Variants in MUC7 observed in about 807,000 individuals in gnomAD.
The protein encoded by MUC7 is mucin-7.
In MUC7, 2 loss-of-function variants were observed where a neutral mutation model predicts 2.5. The observed-to-expected ratio is 0.81, with a 90% CI of 0.33 to 2.55. The LOEUF is 2.55. MUC7 is among the 30% of genes most tolerant of loss of function. The probability of loss-of-function intolerance (pLI) is 0.11; values close to 1 mark genes in which losing one functional copy is unlikely to be tolerated. For synonymous variants in MUC7, 133 were observed against 173.4 expected, an observed-to-expected ratio of 0.77 and a Z score of 1.83; for missense variants, 408 against 455.6, an observed-to-expected ratio of 0.90 and a Z score of 0.95.
chr4:70,432,072 T>A (rs768619760), intron 1 of MUC7, among the ~76,000 whole-genome samples: 1 of 152,228 alleles, frequency 6.6e-6, no homozygotes, highest in Non-Finnish European at 1.5e-5. Flanking sequence ...ACAAAAGACA[T>A]GAACTCATCC....
chr4:70,445,033 AAAAC>A (rs1349625234), intron 1 of MUC7, among the ~76,000 whole-genome samples: 7 of 152,318 alleles, frequency 4.6e-5, no homozygotes, highest in East Asian at 1.9e-4. Context: ...CTCTGTCTAA[AAAAC>A]AAACAAACAA....
intron 1 of MUC7, among the ~76,000 whole-genome samples, chr4:70,444,780 G>T (rs889118485): frequency 6.6e-6 from 1 of 152,084 alleles, no homozygotes; most frequent in African/African-American, 2.4e-5. Flanking sequence ...GGCCAGGTGC[G>T]GTGGCTCACA....
In MUC7 at chr4:70,480,995, T is replaced by C. The variant is rs1735151127; in HGVS notation, c.251T>C (p.Phe84Ser). 1.2e-6 allele frequency: 2 copies of C among 1,613,776 alleles called. No homozygotes were observed. Among genetic ancestry groups the C allele is most frequent in the Non-Finnish European group, 1.7e-6 (2 of 1,179,920 alleles). Residue 84 changes from phenylalanine to serine, a missense_variant, in exon 3 of 3, where the codon TTC (phenylalanine) becomes TCC (serine). By Grantham distance (155) the Phe-to-Ser change is radical (BLOSUM62 -2). This residue lies in a region of MUC7 where 225 missense variants were observed against 240.5 expected (regional missense o/e 0.94). Coordinates refer to ENST00000304887, the MANE Select transcript of MUC7 (RefSeq NM_152291.3). Reference protein sequence around the residue: ...LPPSPNNPPKFPNPHQPPKHP... With the variant: ...LPPSPNNPPKSPNPHQPPKHP... ...CCTTCACCTAATAACCCCCCCAAAT[T>C]CCCAAATCCTCACCAGCCACCTAAA... is the stretch of plus-strand genomic sequence containing the variant.
rs62322550 is a variant in MUC7, at chr4:70,454,187, G to A, written c.-92-18028G>A. On this transcript the variant is annotated intron_variant, in intron 1 of 3. Transcript: ENST00000413702. ...AGGTCATATGCCTCCCATGTCCACTGGGTCTGAGCCCAACACAGCACTAGG... is the reference window on the plus strand; with the variant it reads ...AGGTCATATGCCTCCCATGTCCACTAGGTCTGAGCCCAACACAGCACTAGG... Among the ~76,000 whole-genome samples the A allele has an allele frequency of 8.8e-3, 1,337 of 152,222 alleles. 27 individuals are homozygous for A. The highest frequency in any genetic ancestry group is 0.038 in the South Asian group (185 of 4,818).
At chr4:70,442,231 A>C (rs1265657825) in intron 1 of MUC7, among the ~76,000 whole-genome samples, 1 of 152,180 alleles carries the variant, frequency 6.6e-6, no homozygotes, top group Non-Finnish European at 1.5e-5. Context: ...TAGCATCAAC[A>C]TACTCTTTTT....
At chr4:70,460,481 T>TG (rs1260343264) in intron 1 of MUC7, among the ~76,000 whole-genome samples, 5 of 151,290 alleles carry the variant, frequency 3.3e-5, no homozygotes, top group Non-Finnish European at 7.4e-5. Flanking sequence ...TTTTTTTTTT[T>TG]TGAGATGGAG....
At chr4:70,446,854 A>C (rs1363841737) in intron 1 of MUC7, among the ~76,000 whole-genome samples, 1 of 152,236 alleles carries the variant, frequency 6.6e-6, no homozygotes, top group Non-Finnish European at 1.5e-5. Context: ...AATCAAAACT[A>C]TTGTGTCAAG....
rs146888600 is a variant in MUC7, at chr4:70,437,504, C to T, written c.-93+6817C>T. Among the ~76,000 whole-genome samples the T allele has an allele frequency of 5.6e-3, 858 of 152,302 alleles. 12 individuals carry two copies. Among genetic ancestry groups the T allele is most frequent in the African/African-American group, 0.02 (830 of 41,570 alleles). ...TGCTGTACTAGCAGCAAGCAAGGCT[C>T]CATGGGCGTGGGACTCACTGAGACA... On this transcript the variant is annotated intron_variant, in intron 1 of 3. Transcript: ENST00000413702.
intron 2 of MUC7, among the ~76,000 whole-genome samples, chr4:70,479,882 T>C (rs550785837): frequency 6.6e-6 from 1 of 152,202 alleles, no homozygotes; most frequent in African/African-American, 2.4e-5. Flanking sequence ...CAGTTAAGAA[T>C]GAAAATCCCA....
intron 1 of MUC7, among the ~76,000 whole-genome samples, chr4:70,432,178 T>C (rs1444126137): frequency 6.6e-6 from 1 of 152,256 alleles, no homozygotes; most frequent in Admixed American, 6.5e-5. Flanking sequence ...TCCAAGTCTT[T>C]GCTATTGCGA....
intron 1 of MUC7, among the ~76,000 whole-genome samples, chr4:70,465,198 G>A (rs375091277): frequency 9.2e-5 from 14 of 152,286 alleles, no homozygotes; most frequent in African/African-American, 3.1e-4. Context: ...GAAAGGAATA[G>A]CATCAACATC....
intron 1 of MUC7, among the ~76,000 whole-genome samples, chr4:70,452,654 AGTT>A (rs576873003): frequency 6.6e-6 from 1 of 152,272 alleles, no homozygotes; most frequent in East Asian, 1.9e-4. Flanking sequence ...TGTCTTAAAA[AGTT>A]GTTGTAGTTA....
chr4:70,461,254 T>C (rs767201069), intron 1 of MUC7, among the ~76,000 whole-genome samples: 7 of 152,218 alleles, frequency 4.6e-5, no homozygotes, highest in Non-Finnish European at 7.3e-5. Flanking sequence ...AAATGTCCAG[T>C]GTCTCTAGCA....
intron 1 of MUC7, among the ~76,000 whole-genome samples, chr4:70,446,333 C>A (rs964599650): frequency 2.0e-5 from 3 of 152,160 alleles, no homozygotes; most frequent in Non-Finnish European, 2.9e-5. Context: ...AGAAAAATTT[C>A]TCTCACAGTT....
intron 1 of MUC7, among the ~76,000 whole-genome samples, chr4:70,437,084 A>T (rs1733861472): frequency 6.6e-6 from 1 of 152,142 alleles, no homozygotes; most frequent in Non-Finnish European, 1.5e-5. Context: ...TTCATCCCAG[A>T]AGGGTACCCA....
Position 70,476,781 on chromosome 4 carries a change from C to T in MUC7, c.54+2706C>T, listed in dbSNP as rs556228141. 3.4e-4 allele frequency among the ~76,000 whole-genome samples: 51 copies of T among 151,852 alleles called. 1 individual carries two copies. The highest frequency in any genetic ancestry group is 5.4e-4 in the Non-Finnish European group (37 of 67,934). Reference sequence around the variant, plus strand: ...CAGCCTGGGTGACAGAGCGAGACTCCGTCTCAAAAAAAATAAAAAGAAAAG... The same window carrying T: ...CAGCCTGGGTGACAGAGCGAGACTCTGTCTCAAAAAAAATAAAAAGAAAAG... On this transcript the variant is annotated intron_variant, in intron 2 of 2. Coordinates refer to ENST00000304887, the MANE Select transcript of MUC7 (RefSeq NM_152291.3).
chr4:70,436,127 C>T (rs1447047638), intron 1 of MUC7, among the ~76,000 whole-genome samples: 1 of 152,072 alleles, frequency 6.6e-6, no homozygotes, highest in African/African-American at 2.4e-5. Flanking sequence ...CTCTGGCTGC[C>T]CTTAACATTT....
chr4:70,475,233 T>A (rs1397229383), intron 2 of MUC7, among the ~76,000 whole-genome samples: 1 of 151,934 alleles, frequency 6.6e-6, no homozygotes. Context: ...GAGCCGAGAT[T>A]GCATCACTGC....
chr4:70,439,224 G>A (rs187418033), intron 1 of MUC7, among the ~76,000 whole-genome samples: 6 of 152,296 alleles, frequency 3.9e-5, no homozygotes, highest in Admixed American at 2.0e-4. Flanking sequence ...TATTGGAGTA[G>A]AGAATTCTAG....
Sources: gnomAD v4.1 joint callset for allele counts (sites outside exome capture counted in the v4.1 genomes callset) on GRCh38, gnomAD v4.1.1 for gene constraint, gnomAD v4.1.1 regional missense constraint, MANE v1.5 for transcripts, NCBI Gene and HGNC (gene_info 2026-07-23, HGNC 2026-07-21) for gene names.